SORCS1: variants seen among roughly 807,000 people sequenced by gnomAD.
SORCS1 encodes the protein VPS10 domain-containing receptor SorCS1.
A neutral mutation model predicts 146.1 loss-of-function variants in SORCS1; 60 were observed. The ratio of observed to expected loss-of-function variants is 0.41; its 90% confidence interval spans 0.33 to 0.51. The LOEUF is 0.51. SORCS1 is among the 20% of genes least tolerant of loss of function. The probability of loss-of-function intolerance (pLI) is 0.21; values close to 1 mark genes in which losing one functional copy is unlikely to be tolerated. For synonymous variants in SORCS1, 637 were observed against 584.0 expected, an observed-to-expected ratio of 1.09 and a Z score of -1.31; for missense variants, 1,352 against 1,487.6, an observed-to-expected ratio of 0.91 and a Z score of 1.50.
the SORCS1 span, among the ~76,000 whole-genome samples, chr10:107,176,220 CCTT>C: frequency 5.8e-4 from 87 of 150,620 alleles, no homozygotes; most frequent in East Asian, 0.014. Context: ...TTCCTTCCTT[CCTT>C]CCTCCCTCCT....
intron 21 of SORCS1, among the ~76,000 whole-genome samples, chr10:106,613,717 A>C (rs1281396293): frequency 6.6e-6 from 1 of 152,184 alleles, no homozygotes; most frequent in African/African-American, 2.4e-5. Flanking sequence ...CAGTGCCTCC[A>C]CATTGCATTT....
chr10:106,951,514 A>G (rs822096), intron 2 of SORCS1, among the ~76,000 whole-genome samples: 23,434 of 62,122 alleles, frequency 0.38, 2,546 homozygotes, highest in East Asian at 0.53. Flanking sequence ...TCCGTCTCTG[A>G]AAAAAAAAAA....
intron 2 of SORCS1, among the ~76,000 whole-genome samples, chr10:106,857,814 C>G (rs1376640873): frequency 6.6e-6 from 1 of 152,180 alleles, no homozygotes; most frequent in African/African-American, 2.4e-5. Context: ...CTAGTCTACC[C>G]ACTGTCAAGA....
chr10:106,596,496 T>G (rs1845911833), intron 24 of SORCS1, among the ~76,000 whole-genome samples: 1 of 152,300 alleles, frequency 6.6e-6, no homozygotes, highest in Admixed American at 6.5e-5. Flanking sequence ...CTTGTATTAT[T>G]ATTGAAAACT....
chr10:106,656,249 TAAA>T (rs1316049935), intron 17 of SORCS1, among the ~76,000 whole-genome samples: 2 of 152,098 alleles, frequency 1.3e-5, no homozygotes, highest in Admixed American at 1.3e-4. Context: ...CTGGAAGTCT[TAAA>T]AAAGATGAAG....
chr10:106,694,254 T>C lies in SORCS1; in HGVS notation c.1413+4960A>G, dbSNP rs982213620. ...TAGAGACAGTAGCCTGAAATAATAG[T>C]ACATTCTTTTATTATTATTATTTTT... On this transcript the variant is annotated intron_variant, in intron 9 of 25. Transcript: ENST00000263054. 2.0e-5 allele frequency among the ~76,000 whole-genome samples: 3 copies of C among 152,238 alleles called. No homozygotes were observed. In the East Asian group the frequency reaches 5.8e-4, roughly 29 times the overall value.
At chr10:106,646,482 G>C (rs1315672870) in intron 18 of SORCS1, among the ~76,000 whole-genome samples, 7 of 151,810 alleles carry the variant, frequency 4.6e-5, no homozygotes. Context: ...GATCACTTGA[G>C]TTTAGGAGTT....
chr10:106,597,150 C>G (rs150350240), intron 24 of SORCS1, among the ~76,000 whole-genome samples: 3 of 152,326 alleles, frequency 2.0e-5, no homozygotes, highest in African/African-American at 7.2e-5. Flanking sequence ...CTGAACCCAG[C>G]TGAAAGTGTC....
chr10:106,725,211 G>C (rs1020667455), intron 6 of SORCS1, among the ~76,000 whole-genome samples: 18 of 152,074 alleles, frequency 1.2e-4, no homozygotes, highest in African/African-American at 4.3e-4. Context: ...TACTCTACAG[G>C]ATGTACAACC....
chr10:106,941,890 G>C (rs938338674), intron 2 of SORCS1, among the ~76,000 whole-genome samples: 4 of 152,162 alleles, frequency 2.6e-5, no homozygotes, highest in Non-Finnish European at 4.4e-5. Flanking sequence ...TTAGTTCTGG[G>C]AATAGACAGT....
chr10:106,738,812 C>A (rs1176362495), intron 5 of SORCS1, among the ~76,000 whole-genome samples: 1 of 151,434 alleles, frequency 6.6e-6, no homozygotes, highest in Non-Finnish European at 1.5e-5. Context: ...GGCAACAAAG[C>A]CAGACCCCAT....
intron 23 of SORCS1, among the ~76,000 whole-genome samples, chr10:106,599,760 T>C (rs1045682778): frequency 3.3e-5 from 5 of 151,650 alleles, no homozygotes; most frequent in Admixed American, 3.3e-4. Context: ...TTTCTTTCTT[T>C]CTTTCTTTCT....
intron 3 of SORCS1, among the ~76,000 whole-genome samples, chr10:106,793,023 G>C (rs919344060): frequency 6.6e-6 from 1 of 152,006 alleles, no homozygotes; most frequent in Non-Finnish European, 1.5e-5. Flanking sequence ...GCAACCAAGT[G>C]ACAGTCCCTG....
At position 107,024,173 on chromosome 10, in the gene SORCS1, CAAAAA is replaced by C. The variant is rs60404386; in HGVS notation, c.559-67598_559-67594del. On this transcript the variant is annotated intron_variant, in intron 1 of 25. Coordinates refer to ENST00000263054, the MANE Select transcript of SORCS1 (RefSeq NM_052918.5). ...TGGGTGACAGAGCAAGATTCCATCT[CAAAAA>C]AAAAAAAAAAAAAAAGAAGAAGAGA... Among the ~76,000 whole-genome samples, 920 of 94,546 alleles carry C rather than the reference CAAAAA, an allele frequency of 9.7e-3. 14 individuals are homozygous for C. The highest frequency in any genetic ancestry group is 0.031 in the African/African-American group (867 of 28,242). The allele number at this position is 94,546 out of a possible 152,430, so 62.0% of individuals were successfully genotyped here. A position where few individuals can be genotyped will look rare whatever the true frequency, so the allele number is the denominator to read the frequency against.
intron 1 of SORCS1, among the ~76,000 whole-genome samples, chr10:106,988,595 G>C (rs1036419458): frequency 2.6e-5 from 4 of 151,956 alleles, no homozygotes; most frequent in African/African-American, 7.3e-5. Context: ...GCTAATGTGG[G>C]ACAGCTCCTA....
At chr10:106,815,170 G>A (rs1947674709) in intron 3 of SORCS1, among the ~76,000 whole-genome samples, 1 of 151,908 alleles carries the variant, frequency 6.6e-6, no homozygotes, top group South Asian at 2.1e-4. Context: ...TGTTGGTCAG[G>A]CTGGTCTCGA....
At chr10:107,141,120 G>A (rs1205325546) in intron 1 of SORCS1, among the ~76,000 whole-genome samples, 2 of 152,116 alleles carry the variant, frequency 1.3e-5, no homozygotes, top group East Asian at 1.9e-4. Flanking sequence ...CTTCGTAAGC[G>A]ACCCATGTTA....
intron 22 of SORCS1, among the ~76,000 whole-genome samples, chr10:106,610,491 C>T (rs1257224873): frequency 1.3e-5 from 2 of 151,986 alleles, no homozygotes; most frequent in African/African-American, 4.8e-5. Flanking sequence ...AAGTGCTAAC[C>T]AAATATTAAC....
intron 2 of SORCS1, among the ~76,000 whole-genome samples, chr10:106,868,543 T>C (rs902525015): frequency 3.3e-5 from 5 of 152,028 alleles, no homozygotes; most frequent in African/African-American, 1.2e-4. Flanking sequence ...AAAAAATTGC[T>C]CAAAACCATG....
Sources: allele counts gnomAD v4.1 joint callset (sites outside exome capture counted in the v4.1 genomes callset), GRCh38; gene constraint gnomAD v4.1.1; transcripts MANE v1.5; gene names NCBI Gene and HGNC (gene_info 2026-07-23, HGNC 2026-07-21).